The following NRXN3 variants were observed in gnomAD, a reference collection of about 807,000 sequenced individuals.
NRXN3 encodes the protein neurexin 3.
Under a neutral mutation model 137.6 loss-of-function variants are expected in NRXN3, and 32 were observed. The observed-to-expected ratio is 0.23, with a 90% confidence interval of 0.18 to 0.31. The LOEUF is 0.31. Among genes scored for constraint, NRXN3 ranks in the 10% least tolerant of loss-of-function variants. The pLI, the probability that NRXN3 is intolerant of heterozygous loss-of-function variation, is 1.00. For missense variants in NRXN3, 1,574 were observed against 2,062.5 expected, an observed-to-expected ratio of 0.76 and a Z score of 4.59; for synonymous variants, 798 against 784.5, an observed-to-expected ratio of 1.02 and a Z score of -0.29.
intron 15 of NRXN3, chr14:79,280,661 C>T (rs958400301): frequency 1.1e-5 from 11 of 1,017,534 alleles, no homozygotes; most frequent in African/African-American, 9.6e-5. Context: ...TGATGAAAAG[C>T]ATCGTATGTC....
At chr14:79,129,809 G>T (rs1407048412) in intron 15 of NRXN3, among the ~76,000 whole-genome samples, 1 of 116,810 alleles carries the variant, frequency 8.6e-6, no homozygotes, top group Non-Finnish European at 1.8e-5. Context: ...TTGTGTGGGA[G>T]TCTAAGTCTC....
intron 20 of NRXN3, among the ~76,000 whole-genome samples, chr14:79,819,571 G>A (rs113329143): frequency 0.012 from 1,490 of 124,414 alleles, 24 homozygotes; most frequent in African/African-American, 0.043. Context: ...TACAACCTCC[G>A]CCTCCCAGGT....
At chr14:78,674,952 A>G (rs1221412696) in intron 6 of NRXN3, among the ~76,000 whole-genome samples, 1 of 152,184 alleles carries the variant, frequency 6.6e-6, no homozygotes, top group Admixed American at 6.5e-5. Flanking sequence ...GATGTAGTCT[A>G]AGAATGATTG....
At chr14:78,973,601 T>TA (rs1313907609) in intron 14 of NRXN3, among the ~76,000 whole-genome samples, 1 of 152,232 alleles carries the variant, frequency 6.6e-6, no homozygotes, top group African/African-American at 2.4e-5. Context: ...TAATCCTGAA[T>TA]ACCCTATAAA....
intron 6 of NRXN3, among the ~76,000 whole-genome samples, chr14:78,700,413 A>G (rs950465627): frequency 6.6e-6 from 1 of 152,194 alleles, no homozygotes; most frequent in African/African-American, 2.4e-5. Flanking sequence ...AAATATGTCT[A>G]TTGATGATGA....
intron 3 of NRXN3, among the ~76,000 whole-genome samples, chr14:78,280,217 A>G (rs762303584): frequency 3.3e-5 from 5 of 152,214 alleles, no homozygotes; most frequent in South Asian, 2.1e-4. Context: ...GAGGCAGACA[A>G]TGATCTAAAA....
intron 6 of NRXN3, among the ~76,000 whole-genome samples, chr14:78,655,982 C>A (rs2097781542): frequency 6.6e-6 from 1 of 152,124 alleles, no homozygotes; most frequent in Admixed American, 6.5e-5. Flanking sequence ...GCACCAATCC[C>A]ACTCATGAGG....
chr14:79,795,560 T>C (rs2099158575), intron 19 of NRXN3, among the ~76,000 whole-genome samples: 1 of 152,174 alleles, frequency 6.6e-6, no homozygotes, highest in African/African-American at 2.4e-5. Flanking sequence ...CATTTTTCCT[T>C]CATAGTTCTG....
intron 8 of NRXN3, among the ~76,000 whole-genome samples, chr14:78,803,084 C>A (rs1210294194): frequency 2.6e-5 from 4 of 152,196 alleles, no homozygotes; most frequent in African/African-American, 9.7e-5. Context: ...ATGGGCCAAA[C>A]TCTCACAATG....
chr14:79,842,065 T>G (rs1374548116), intron 20 of NRXN3, among the ~76,000 whole-genome samples: 1 of 152,228 alleles, frequency 6.6e-6, no homozygotes, highest in East Asian at 1.9e-4. Context: ...GGGCTCCTTT[T>G]GCAAGGTATT....
At chr14:78,444,396 A>T (rs944365441) in intron 4 of NRXN3, among the ~76,000 whole-genome samples, 5 of 152,096 alleles carry the variant, frequency 3.3e-5, no homozygotes, top group Admixed American at 1.3e-4. Context: ...AGTCCTGGGG[A>T]AAATACAGCT....
At chr14:78,723,198 T>C (rs892936502) in intron 8 of NRXN3, among the ~76,000 whole-genome samples, 2 of 152,126 alleles carry the variant, frequency 1.3e-5, no homozygotes, top group African/African-American at 2.4e-5. Context: ...AGGCAGAAGA[T>C]AAATTGAATA....
chr14:79,580,795 A>G (rs1215635163), intron 16 of NRXN3, among the ~76,000 whole-genome samples: 5 of 152,182 alleles, frequency 3.3e-5, no homozygotes, highest in Non-Finnish European at 7.3e-5. Context: ...AAACAAAAAC[A>G]AACAGGAGTC....
At chr14:78,990,423 G>T (rs1232748353) in intron 15 of NRXN3, among the ~76,000 whole-genome samples, 3 of 141,368 alleles carry the variant, frequency 2.1e-5, no homozygotes, top group Non-Finnish European at 3.0e-5. Context: ...CCGGGCTGGA[G>T]TGCAGTGGCA....
At chr14:79,002,147 T>C (rs897319666) in intron 15 of NRXN3, among the ~76,000 whole-genome samples, 3 of 152,158 alleles carry the variant, frequency 2.0e-5, no homozygotes, top group African/African-American at 7.2e-5. Context: ...ACTATTCAAA[T>C]AGCACAAATA....
rs556498277 is a variant in NRXN3, at chr14:78,972,277, C to T, written c.3142+3931C>T. Among the ~76,000 whole-genome samples, 82 of 152,254 alleles carry T rather than the reference C, an allele frequency of 5.4e-4. 1 individual carries two copies. The highest frequency in any genetic ancestry group is 1.4e-3 in the African/African-American group (59 of 41,542). On this transcript the variant is annotated intron_variant, in intron 14 of 20. Coordinates refer to ENST00000335750, the MANE Select transcript of NRXN3 (RefSeq NM_001330195.2). ...CACGTGCTTTGTTTTGAAACTGGCA[C>T]GAATAAATAAAAATGACATTAGTCT... is the stretch of plus-strand genomic sequence containing the variant.
intron 16 of NRXN3, among the ~76,000 whole-genome samples, chr14:79,619,923 T>G (rs939184756): frequency 2.0e-5 from 3 of 152,122 alleles, no homozygotes; most frequent in South Asian, 2.1e-4. Flanking sequence ...TCCTTAGTTC[T>G]GACATGGGGA....
chr14:79,300,180 A>G (rs1309800250), intron 15 of NRXN3, among the ~76,000 whole-genome samples: 1 of 152,040 alleles, frequency 6.6e-6, no homozygotes, highest in African/African-American at 2.4e-5. Context: ...TGACATTCAA[A>G]TGTTAAGTAA....
chr14:79,041,250 T>C (rs1266344027), intron 15 of NRXN3, among the ~76,000 whole-genome samples: 1 of 152,174 alleles, frequency 6.6e-6, no homozygotes, highest in African/African-American at 2.4e-5. Flanking sequence ...AGCATAATAA[T>C]CCATAGTTCA....
Sources: gnomAD v4.1 joint callset for allele counts (sites outside exome capture counted in the v4.1 genomes callset) on GRCh38, gnomAD v4.1.1 for gene constraint, MANE v1.5 for transcripts, NCBI Gene and HGNC (gene_info 2026-07-23, HGNC 2026-07-21) for gene names.